SLC9A7: variants seen among roughly 807,000 people sequenced by gnomAD.
The protein encoded by SLC9A7 is sodium/hydrogen exchanger 7.
A neutral mutation model predicts 52.6 loss-of-function variants in SLC9A7; 19 were observed. The ratio of observed to expected loss-of-function variants is 0.36; its 90% CI spans 0.25 to 0.53. The LOEUF (loss-of-function observed/expected upper bound fraction) is 0.53. SLC9A7 is among the 20% of genes least tolerant of loss of function. The pLI is 0.91. For synonymous variants in SLC9A7, 226 were observed against 252.1 expected (o/e 0.90, Z 0.98); for missense variants, 455 against 597.9 (o/e 0.76, Z 2.49).
In SLC9A7 at chrX:46,678,130, T is replaced by C. The variant is rs1327570313; in HGVS notation, c.603+1548A>G. ...TCTTTTATTCCTAATACAGGTAATTTGTTTCTTTCCTCCCTTTTTCTCAAC... is the reference window on the plus strand; with the variant it reads ...TCTTTTATTCCTAATACAGGTAATTCGTTTCTTTCCTCCCTTTTTCTCAAC... On this transcript the variant is annotated intron_variant, in intron 3 of 16. Transcript: ENST00000616978. Among the ~76,000 whole-genome samples the C allele has an allele frequency of 3.6e-4, 40 of 111,613 alleles. No homozygotes were observed. The Admixed American group carries it at 3.8e-3, about 11-fold the overall frequency.
rs1005587184 is a variant in SLC9A7, at chrX:46,647,619, G to A, written c.1462+1067C>T. 5.3e-5 allele frequency among the ~76,000 whole-genome samples: 6 copies of A among 112,760 alleles called. No homozygotes were observed. The South Asian group carries it at 1.8e-3, about 34-fold the overall frequency. On this transcript the variant is annotated intron_variant, in intron 11 of 16. Coordinates refer to ENST00000616978, the MANE Select transcript of SLC9A7 (RefSeq NM_001257291.2). ...CTTTGTGTACCTGCCTCCCCGCAGC[G>A]GACTGTGAGCTCCATGAAGGAGGCT...
intron 3 of SLC9A7, among the ~76,000 whole-genome samples, chrX:46,678,646 A>G (rs1467810133): frequency 9.1e-6 from 1 of 109,605 alleles, no homozygotes; most frequent in Admixed American, 9.9e-5. Flanking sequence ...TATGTTGCCC[A>G]GGCTGGTATT....
At chrX:46,645,444 G>C (rs1315741742) in intron 11 of SLC9A7, among the ~76,000 whole-genome samples, 1 of 111,565 alleles carries the variant, frequency 9.0e-6, no homozygotes, top group Non-Finnish European at 1.9e-5. Context: ...ACCAGCAGCA[G>C]TGGCAGCTCA....
At chrX:46,665,945 G>T (rs1487992662) in intron 5 of SLC9A7, among the ~76,000 whole-genome samples, 2 of 111,352 alleles carry the variant, frequency 1.8e-5, no homozygotes, top group Non-Finnish European at 3.8e-5. Flanking sequence ...GAGTGGAGAA[G>T]GCTCCCTGTC....
At chrX:46,727,677 T>C (rs1402121542) in intron 1 of SLC9A7, among the ~76,000 whole-genome samples, 1 of 112,379 alleles carries the variant, frequency 8.9e-6, no homozygotes, top group Non-Finnish European at 1.9e-5. Context: ...AACCAGCATA[T>C]GACTTAGTCT....
chrX:46,730,286 GA>G (rs201077020), intron 1 of SLC9A7, among the ~76,000 whole-genome samples: 5 of 104,887 alleles, frequency 4.8e-5, no homozygotes, highest in African/African-American at 1.4e-4. Flanking sequence ...AGTTAAAAAT[GA>G]AAAAAAAATG....
intron 5 of SLC9A7, among the ~76,000 whole-genome samples, chrX:46,666,232 G>A (rs1021284474): frequency 2.2e-4 from 24 of 111,584 alleles, no homozygotes; most frequent in African/African-American, 7.5e-4. Flanking sequence ...TCAGCCCCCC[G>A]AGTAGCTGGA....
intron 1 of SLC9A7, among the ~76,000 whole-genome samples, chrX:46,738,031 AAAAGAAAG>A (rs58544637): frequency 0.079 from 5,542 of 70,283 alleles, 472 homozygotes; most frequent in East Asian, 0.2. Context: ...TGTCTCAAAA[AAAAGAAAG>A]AAAGAAAGAA....
At chrX:46,646,535 G>T (rs747958509) in intron 11 of SLC9A7, 23 of 196,171 alleles carry the variant, frequency 1.2e-4, no homozygotes, top group African/African-American at 6.6e-4. Flanking sequence ...GTGGGGAGGG[G>T]CAGAGGAAGG....
intron 7 of SLC9A7, among the ~76,000 whole-genome samples, chrX:46,657,929 GCACCA>G (rs1178606508): frequency 8.6e-5 from 7 of 81,514 alleles, no homozygotes; most frequent in African/African-American, 2.7e-4. Context: ...ATTTTTTTCA[GCACCA>G]CACCACACCT....
At chrX:46,698,745 T>C (rs1944486256) in intron 1 of SLC9A7, among the ~76,000 whole-genome samples, 1 of 111,971 alleles carries the variant, frequency 8.9e-6, no homozygotes, top group Non-Finnish European at 1.9e-5. Flanking sequence ...ATTAACATAT[T>C]ACCTTTTCAA....
chrX:46,721,746 C>T (rs1332303666), intron 1 of SLC9A7, among the ~76,000 whole-genome samples: 1 of 111,723 alleles, frequency 9.0e-6, no homozygotes, highest in African/African-American at 3.3e-5. Flanking sequence ...TGAGCAATCT[C>T]GAGGAAGACA....
chrX:46,756,230 T>C (rs1248097476), intron 1 of SLC9A7, among the ~76,000 whole-genome samples: 1 of 111,641 alleles, frequency 9.0e-6, no homozygotes, highest in African/African-American at 3.3e-5. Context: ...TTTAAAAATG[T>C]TTCCTTAGGT....
At chrX:46,659,541 C>A in intron 7 of SLC9A7, among the ~76,000 whole-genome samples, 1 of 44,984 alleles carries the variant, frequency 2.2e-5, no homozygotes, top group African/African-American at 1.1e-4. Context: ...GATACAAAAT[C>A]AATGTACAAA....
intron 3 of SLC9A7, among the ~76,000 whole-genome samples, chrX:46,673,353 TAA>T (rs1332610466): frequency 5.0e-5 from 4 of 80,548 alleles, no homozygotes; most frequent in African/African-American, 1.9e-4. Context: ...CTTAAAAATA[TAA>T]ACACACACAC....
chrX:46,725,806 A>G (rs1944936300), intron 1 of SLC9A7: 1 of 713,234 alleles, frequency 1.4e-6, no homozygotes, highest in Non-Finnish European at 2.2e-6. Flanking sequence ...ACTTTCCCGA[A>G]GAATTGGTTG....
chrX:46,608,109 GC>G (rs1027596649), intron 16 of SLC9A7, among the ~76,000 whole-genome samples: 1 of 112,278 alleles, frequency 8.9e-6, no homozygotes, highest in Non-Finnish European at 1.9e-5. Context: ...CCCCCTCAGG[GC>G]CCCCGCGCAG....
intron 1 of SLC9A7, among the ~76,000 whole-genome samples, chrX:46,714,240 A>G (rs1449848415): frequency 9.0e-6 from 1 of 111,446 alleles, no homozygotes; most frequent in East Asian, 2.8e-4. Context: ...AAGAGTAAGT[A>G]ACTGCCCTAA....
chrX:46,721,422 T>C (rs1206386877), intron 1 of SLC9A7, among the ~76,000 whole-genome samples: 1 of 112,028 alleles, frequency 8.9e-6, no homozygotes, highest in Non-Finnish European at 1.9e-5. Context: ...TGGATAGAAA[T>C]TAGAGCTGCA....
Sources: gnomAD v4.1 joint callset for allele counts (sites outside exome capture counted in the v4.1 genomes callset) on GRCh38, gnomAD v4.1.1 for gene constraint, MANE v1.5 for transcripts, NCBI Gene and HGNC (gene_info 2026-07-23, HGNC 2026-07-21) for gene names.